The following KIAA0319 variants were observed in gnomAD, a reference collection of about 807,000 sequenced individuals.
KIAA0319 encodes KIAA0319.
A neutral mutation model predicts 108.4 loss-of-function variants in KIAA0319; 83 were observed. The ratio of observed to expected loss-of-function variants is 0.77; its 90% CI spans 0.64 to 0.92. KIAA0319 has a LOEUF of 0.92. Ranked by LOEUF, KIAA0319 falls within the 40% of genes least tolerant of loss-of-function variation. The pLI is 0.00. For missense variants in KIAA0319, 1,195 were observed against 1,322.4 expected, an observed-to-expected ratio of 0.90 and a Z score of 1.49; for synonymous variants, 484 against 510.4, an observed-to-expected ratio of 0.95 and a Z score of 0.70.
chr6:24,571,161 C>T (rs1581988315), intron 11 of KIAA0319, among the ~76,000 whole-genome samples: 1 of 151,422 alleles, frequency 6.6e-6, no homozygotes, highest in Non-Finnish European at 1.5e-5. Flanking sequence ...CACTGCACTC[C>T]AGCCTAGACG....
At chr6:24,587,743 C>A (rs139255433) in intron 4 of KIAA0319, among the ~76,000 whole-genome samples, 3 of 151,968 alleles carry the variant, frequency 2.0e-5, no homozygotes, top group African/African-American at 7.3e-5. Context: ...TGTGCCACCA[C>A]GCCCAGCTAA....
chr6:24,562,920 G>C (rs904422312), intron 16 of KIAA0319, among the ~76,000 whole-genome samples: 2 of 152,016 alleles, frequency 1.3e-5, no homozygotes, highest in Admixed American at 6.6e-5. Context: ...GAAAAATAAA[G>C]GCCAGAGTTT....
At chr6:24,571,446 C>T (rs1336899940) in intron 11 of KIAA0319, among the ~76,000 whole-genome samples, 12 of 151,712 alleles carry the variant, frequency 7.9e-5, no homozygotes, top group Non-Finnish European at 1.5e-4. Flanking sequence ...GTTTGCACCA[C>T]GCCACAGCCC....
intron 3 of KIAA0319, among the ~76,000 whole-genome samples, chr6:24,591,762 G>C (rs1768509908): frequency 1.3e-5 from 2 of 152,048 alleles, no homozygotes. Context: ...ATCTCATTGT[G>C]GTTTTGACTT....
chr6:24,592,008 T>C (rs911119639), intron 3 of KIAA0319, among the ~76,000 whole-genome samples: 4 of 152,232 alleles, frequency 2.6e-5, no homozygotes, highest in African/African-American at 4.8e-5. Flanking sequence ...TCTTTTGATG[T>C]TGTCATCTGA....
chr6:24,551,370 C>T (rs1485274631), intron 20 of KIAA0319, 64 bp downstream of exon 20: 1 of 1,101,994 alleles, frequency 9.1e-7, no homozygotes, highest in East Asian at 2.3e-5. Flanking sequence ...CCAAGTTAGC[C>T]CTCAGGCCTA....
intron 1 of KIAA0319, among the ~76,000 whole-genome samples, chr6:24,629,709 T>C (rs1775265504): frequency 1.3e-5 from 2 of 152,038 alleles, no homozygotes; most frequent in African/African-American, 4.8e-5. Flanking sequence ...CCGTGGCTGC[T>C]GCTTTAGATC....
intron 1 of KIAA0319, among the ~76,000 whole-genome samples, chr6:24,613,049 T>G (rs549656249): frequency 6.6e-6 from 1 of 152,336 alleles, no homozygotes; most frequent in South Asian, 2.1e-4. Flanking sequence ...TCCGCCCGCC[T>G]CGGCTGAGAA....
At position 24,556,869 on chromosome 6, in the gene KIAA0319, G is replaced by A. The variant is rs181265010; in HGVS notation, c.2735-140C>T. ...AGAGCCTCTTACAGTGTGGACAGGGGTTCTGGAGATAGTCTCTCATCACTG... is the reference window on the plus strand; with the variant it reads ...AGAGCCTCTTACAGTGTGGACAGGGATTCTGGAGATAGTCTCTCATCACTG... On this transcript the variant is annotated intron_variant, in intron 17 of 20. Transcript: ENST00000378214. The A allele has an allele frequency of 6.9e-4, 668 of 973,464 alleles. 1 individual carries two copies. The highest frequency in any genetic ancestry group is 3.0e-3 in the African/African-American group (182 of 60,620). The allele number at this position is 973,464 out of a possible 1,614,324, so 60.3% of individuals were successfully genotyped here. A position where few individuals can be genotyped will look rare whatever the true frequency, so the allele number is the denominator to read the frequency against.
rs986564617 is a variant in KIAA0319 at position 24,579,515 on chromosome 6, TATATATCTTATATATATATAC to T, written c.1372+322_1372+342del. ...TATCTTATATATCTCATATATATCTTATATATCTTATATATATATACATATATATATACACAAAGTGATTTT... is the reference window on the plus strand; with the variant it reads ...TATCTTATATATCTCATATATATCTTATATATATATACACAAAGTGATTTT... On this transcript the variant is annotated intron_variant, in intron 8 of 20. Transcript: ENST00000378214. Among the ~76,000 whole-genome samples, 26 of 145,574 alleles carry T rather than the reference TATATATCTTATATATATATAC, an allele frequency of 1.8e-4. 1 individual carries two copies. The highest frequency in any genetic ancestry group is 5.6e-4 in the African/African-American group (22 of 39,336).
At chr6:24,583,266 C>G in intron 5 of KIAA0319, 2 of 1,010,276 alleles carry the variant, frequency 2.0e-6, no homozygotes, top group Non-Finnish European at 2.4e-6. Flanking sequence ...TCCCTCTCAT[C>G]CCGGTGGAAT....
rs1450636748 is a variant in KIAA0319 at position 24,566,710 on chromosome 6, G to A, written c.2179C>T (p.His727Tyr). ...GAATTATTGGGAAGCACAAGAACATGTCTGCCACCAGCCCGGGCTCTGGGA... is the reference window on the plus strand; with the variant it reads ...GAATTATTGGGAAGCACAAGAACATATCTGCCACCAGCCCGGGCTCTGGGA... ...SPPRARAGGR[H>Y]VLVLPNNSIT... Residue 727 changes from histidine (H) to tyrosine (Y), a missense_variant, in exon 14 of 21, where the codon CAT becomes TAT. By Grantham distance (83) the His-to-Tyr change is moderately conservative (BLOSUM62 2). Coordinates refer to ENST00000378214, the MANE Select transcript of KIAA0319 (RefSeq NM_014809.4). The A allele has an allele frequency of 6.2e-7, 1 of 1,613,318 alleles. No individual in the cohort carries two copies. Among genetic ancestry groups the A allele is most frequent in the South Asian group, 1.1e-5 (1 of 90,872 alleles).
intron 3 of KIAA0319, among the ~76,000 whole-genome samples, chr6:24,590,214 A>C (rs1348466187): frequency 1.3e-5 from 2 of 152,086 alleles, no homozygotes; most frequent in Non-Finnish European, 2.9e-5. Flanking sequence ...ACATCACTAC[A>C]AATAGTAACT....
downstream of KIAA0319, among the ~76,000 whole-genome samples, chr6:24,541,728 G>C (rs1760200301): frequency 6.6e-6 from 1 of 152,172 alleles, no homozygotes; most frequent in Non-Finnish European, 1.5e-5. Context: ...AACTGGGGAG[G>C]AAGAGGTTGC....
chr6:24,602,673 C>T lies in KIAA0319; in HGVS notation c.-105-1465G>A, dbSNP rs560377967. 5.1e-4 allele frequency among the ~76,000 whole-genome samples: 77 copies of T among 152,130 alleles called. 1 individual carries two copies. The highest frequency in any genetic ancestry group is 1.6e-3 in the African/African-American group (67 of 41,514). On this transcript the variant is annotated intron_variant, in intron 1 of 20. Coordinates refer to ENST00000378214, the MANE Select transcript of KIAA0319 (RefSeq NM_014809.4). ...AAAATTAGCTGGGCGTGGTGGCGGG[C>T]GCCTGTAGTCCCAGCTACTCGGGAG...
intron 1 of KIAA0319, among the ~76,000 whole-genome samples, chr6:24,625,143 T>G (rs1204116107): frequency 6.6e-6 from 1 of 152,226 alleles, no homozygotes; most frequent in Non-Finnish European, 1.5e-5. Flanking sequence ...TCTATAAAAT[T>G]GTCTGCCAAA....
intron 1 of KIAA0319, among the ~76,000 whole-genome samples, chr6:24,602,504 GA>G (rs1453054760): frequency 6.6e-6 from 1 of 152,186 alleles, no homozygotes; most frequent in African/African-American, 2.4e-5. Flanking sequence ...ACTCTCTTAA[GA>G]AATGCTGCAT....
chr6:24,556,992 G>GCT (rs1762389895), intron 17 of KIAA0319, among the ~76,000 whole-genome samples: 1 of 152,152 alleles, frequency 6.6e-6, no homozygotes, highest in South Asian at 2.1e-4. Flanking sequence ...AGATCACAAG[G>GCT]TCAGGAGATC....
At chr6:24,639,806 C>CATTT (rs1776684497) in intron 1 of KIAA0319, among the ~76,000 whole-genome samples, 1 of 146,914 alleles carries the variant, frequency 6.8e-6, no homozygotes, top group Non-Finnish European at 1.5e-5. Context: ...GAGACCACAC[C>CATTT]ATTTCACTCC....
Sources: allele counts gnomAD v4.1 joint callset (sites outside exome capture counted in the v4.1 genomes callset), GRCh38; gene constraint gnomAD v4.1.1; transcripts MANE v1.5; gene names NCBI Gene and HGNC (gene_info 2026-07-23, HGNC 2026-07-21).